The following TMEM108 variants were observed in gnomAD, a reference collection of about 807,000 sequenced individuals.
TMEM108 encodes transmembrane protein 108, also known as cancer/testis antigen 124.
Under a neutral mutation model 35.1 loss-of-function variants are expected in TMEM108, and 12 were observed. The ratio of observed to expected loss-of-function variants is 0.34; its 90% CI spans 0.22 to 0.55. TMEM108 has a LOEUF of 0.55. Among genes scored for constraint, TMEM108 ranks in the 20% least tolerant of loss-of-function variants. The probability of loss-of-function intolerance (pLI) is 0.89; values close to 1 mark genes in which losing one functional copy is unlikely to be tolerated. For missense variants in TMEM108, 680 were observed against 753.3 expected (o/e 0.90, Z 1.14); for synonymous variants, 287 against 308.6 (o/e 0.93, Z 0.73).
chr3:133,308,708 A>G lies in TMEM108; in HGVS notation c.41-71044A>G, dbSNP rs183816475. Among the ~76,000 whole-genome samples, 397 of 152,312 alleles carry G rather than the reference A, an allele frequency of 2.6e-3. 3 individuals carry two copies. Among genetic ancestry groups the G allele is most frequent in the African/African-American group, 9.0e-3 (376 of 41,566 alleles). ...AACCAGCCTTGCATCCGCGGGGTGA[A>G]GCCTACTTGATCGTGGTGGATAAGC... On this transcript the variant is annotated intron_variant, in intron 3 of 5. Coordinates refer to ENST00000321871, the MANE Select transcript of TMEM108 (RefSeq NM_023943.4).
intron 2 of TMEM108, among the ~76,000 whole-genome samples, chr3:133,103,848 C>T (rs1405777065): frequency 6.6e-6 from 1 of 152,166 alleles, no homozygotes; most frequent in African/African-American, 2.4e-5. Flanking sequence ...CCTCACTTTT[C>T]TCATCTATAA....
chr3:133,066,160 A>G (rs994082406), intron 2 of TMEM108, among the ~76,000 whole-genome samples: 3 of 151,918 alleles, frequency 2.0e-5, no homozygotes, highest in Admixed American at 6.6e-5. Context: ...TCTTTTCTCT[A>G]TAGTAAAGAC....
chr3:133,100,460 T>C (rs1944072972), intron 2 of TMEM108, among the ~76,000 whole-genome samples: 1 of 152,086 alleles, frequency 6.6e-6, no homozygotes, highest in Admixed American at 6.6e-5. Context: ...AAAAATTAGC[T>C]GGGCATAGCA....
chr3:133,247,914 G>C (rs915615114), intron 3 of TMEM108: 1 of 152,148 alleles, frequency 6.6e-6, no homozygotes, highest in Non-Finnish European at 1.5e-5. Flanking sequence ...TTATGGCTGT[G>C]TGAAAAACTC....
chr3:133,107,127 A>G (rs539740945), intron 2 of TMEM108, among the ~76,000 whole-genome samples: 2 of 152,306 alleles, frequency 1.3e-5, no homozygotes, highest in South Asian at 4.1e-4. Context: ...ATTTGGAAAA[A>G]TAGGCTATTG....
chr3:133,155,461 C>T (rs982067499), intron 2 of TMEM108, among the ~76,000 whole-genome samples: 2 of 152,130 alleles, frequency 1.3e-5, no homozygotes, highest in African/African-American at 4.8e-5. Flanking sequence ...AACTAATTTA[C>T]ACTCCCACCA....
At chr3:133,343,930 T>C (rs2071737804) in intron 3 of TMEM108, among the ~76,000 whole-genome samples, 1 of 151,904 alleles carries the variant, frequency 6.6e-6, no homozygotes, top group Non-Finnish European at 1.5e-5. Flanking sequence ...TTAAACTGCA[T>C]AGGTCTACTT....
intron 2 of TMEM108, among the ~76,000 whole-genome samples, chr3:133,116,072 C>T (rs190079250): frequency 7.2e-5 from 11 of 152,332 alleles, no homozygotes; most frequent in Middle Eastern, 3.4e-3. Context: ...GGAAAAGATA[C>T]TCCAAGTCTT....
rs569742489 is a variant in TMEM108 at position 133,289,249 on chromosome 3, A to G, written c.40+59898A>G. 1.8e-4 allele frequency among the ~76,000 whole-genome samples: 28 copies of G among 152,246 alleles called. 1 individual carries two copies. In the South Asian group the frequency reaches 5.6e-3, roughly 30 times the overall value. On this transcript the variant is annotated intron_variant, in intron 3 of 5. Coordinates refer to ENST00000321871, the MANE Select transcript of TMEM108 (RefSeq NM_023943.4). ...TATGTACGTTTGAAATTTCTCCATA[A>G]TAAAAAGAATAACCAAAACTTTGAG...
At chr3:133,372,893 G>A (rs928994750) in intron 3 of TMEM108, among the ~76,000 whole-genome samples, 1 of 152,182 alleles carries the variant, frequency 6.6e-6, no homozygotes, top group African/African-American at 2.4e-5. Context: ...GAAGTCACAG[G>A]CATGGATTGC....
chr3:133,279,584 TC>T (rs993555833), intron 3 of TMEM108, among the ~76,000 whole-genome samples: 3 of 152,168 alleles, frequency 2.0e-5, no homozygotes, highest in African/African-American at 7.2e-5. Flanking sequence ...GGCAGACCCC[TC>T]AAAGGCAGGA....
intron 3 of TMEM108, among the ~76,000 whole-genome samples, chr3:133,284,628 A>G (rs1352591315): frequency 6.6e-6 from 1 of 152,222 alleles, no homozygotes; most frequent in Non-Finnish European, 1.5e-5. Flanking sequence ...TGCTGTGACT[A>G]AGAACTGTTT....
At chr3:133,272,220 G>T (rs142259451) in intron 3 of TMEM108, among the ~76,000 whole-genome samples, 17 of 151,678 alleles carry the variant, frequency 1.1e-4, no homozygotes, top group Admixed American at 3.9e-4. Context: ...GGGCGGAGGG[G>T]TATGTGGAGT....
At chr3:133,360,698 C>T (rs2072320458) in intron 3 of TMEM108, among the ~76,000 whole-genome samples, 1 of 152,188 alleles carries the variant, frequency 6.6e-6, no homozygotes, top group Non-Finnish European at 1.5e-5. Flanking sequence ...GATAGTCCCT[C>T]TGTTTTCTGG....
chr3:133,319,987 G>A (rs567171169), intron 3 of TMEM108, among the ~76,000 whole-genome samples: 12 of 152,308 alleles, frequency 7.9e-5, no homozygotes, highest in African/African-American at 2.6e-4. Flanking sequence ...CAAGGTTCTG[G>A]CTGGGCGCAG....
intron 3 of TMEM108, among the ~76,000 whole-genome samples, chr3:133,230,749 A>G (rs935652106): frequency 2.6e-5 from 4 of 152,190 alleles, no homozygotes; most frequent in Non-Finnish European, 5.9e-5. Context: ...TGTATGCCCC[A>G]AAGTTTGCAT....
chr3:133,086,915 T>C (rs1943890427), intron 2 of TMEM108, among the ~76,000 whole-genome samples: 2 of 152,214 alleles, frequency 1.3e-5, no homozygotes, highest in African/African-American at 4.8e-5. Flanking sequence ...GCATGCTTTA[T>C]AGTTTTACAT....
chr3:133,349,791 G>A lies in TMEM108; in HGVS notation c.41-29961G>A, dbSNP rs181020955. Among the ~76,000 whole-genome samples, 5 of 152,184 alleles carry A rather than the reference G, an allele frequency of 3.3e-5. 1 individual carries two copies. The highest frequency in any genetic ancestry group is 4.8e-5 in the African/African-American group (2 of 41,532). Reference sequence around the variant, plus strand: ...AAAGAGACAAAAGAAAACAAGTGCCGGTGAGGATGTGGAGAAAAGAAAACA... The same window carrying A: ...AAAGAGACAAAAGAAAACAAGTGCCAGTGAGGATGTGGAGAAAAGAAAACA... On this transcript the variant is annotated intron_variant, in intron 3 of 5. Coordinates refer to ENST00000321871, the MANE Select transcript of TMEM108 (RefSeq NM_023943.4).
At chr3:133,385,802 G>A (rs1377824158) in intron 4 of TMEM108, among the ~76,000 whole-genome samples, 1 of 152,208 alleles carries the variant, frequency 6.6e-6, no homozygotes, top group Non-Finnish European at 1.5e-5. Context: ...ACTTACACAA[G>A]TAACTTCATC....
Sources: gnomAD v4.1 joint callset for allele counts (sites outside exome capture counted in the v4.1 genomes callset) on GRCh38, gnomAD v4.1.1 for gene constraint, MANE v1.5 for transcripts, NCBI Gene and HGNC (gene_info 2026-07-23, HGNC 2026-07-21) for gene names.